Variants in TYW1B observed in about 807,000 individuals in gnomAD.
The protein encoded by TYW1B is S-adenosyl-L-methionine-dependent tRNA 4-demethylwyosine synthase TYW1B.
TYW1B carries 73 observed loss-of-function variants against 86.9 expected under a neutral mutation model. The ratio of observed to expected loss-of-function variants is 0.84; its 90% CI spans 0.70 to 1.02. TYW1B has a LOEUF of 1.02. Ranked by LOEUF, TYW1B falls within the 50% of genes least tolerant of loss-of-function variation. The pLI, the probability that TYW1B is intolerant of heterozygous loss-of-function variation, is 0.00. For synonymous variants in TYW1B, 248 were observed against 292.8 expected (o/e 0.85, Z 1.56); for missense variants, 637 against 827.4 (o/e 0.77, Z 2.82).
intron 12 of TYW1B, among the ~76,000 whole-genome samples, chr7:72,619,060 G>A (rs181421536): frequency 2.6e-5 from 4 of 152,232 alleles, no homozygotes; most frequent in African/African-American, 7.2e-5. Context: ...AGACAACTGC[G>A]CATGTCCGAG....
chr7:72,719,655 A>C (rs1259509092), intron 9 of TYW1B, among the ~76,000 whole-genome samples: 14 of 137,694 alleles, frequency 1.0e-4, no homozygotes, highest in African/African-American at 3.7e-4. Flanking sequence ...AAAAAAAAAG[A>C]AGGTGATAGG....
At chr7:72,751,167 A>G (rs555752149) in intron 7 of TYW1B, among the ~76,000 whole-genome samples, 96 of 152,020 alleles carry the variant, frequency 6.3e-4, no homozygotes, top group African/African-American at 2.1e-3. Flanking sequence ...CCTCCCAAGT[A>G]GCTGGGATCA....
At chr7:72,715,110 A>G (rs1403910707) in intron 9 of TYW1B, among the ~76,000 whole-genome samples, 2 of 152,026 alleles carry the variant, frequency 1.3e-5, no homozygotes, top group African/African-American at 4.8e-5. Context: ...TGGAATCTTA[A>G]AATTCCCACA....
intron 8 of TYW1B, among the ~76,000 whole-genome samples, chr7:72,730,640 AAGAAGAAGGG>A (rs1787086172): frequency 6.6e-6 from 1 of 151,154 alleles, no homozygotes; most frequent in African/African-American, 2.4e-5. Flanking sequence ...AGAAGAAAAG[AAGAAGAAGGG>A]AGAAGGGAGA....
chr7:72,739,248 G>A (rs1304258881), intron 8 of TYW1B, among the ~76,000 whole-genome samples: 4 of 152,186 alleles, frequency 2.6e-5, no homozygotes, highest in South Asian at 4.1e-4. Context: ...GTTCACCGAG[G>A]TTTAATATAC....
chr7:72,727,831 A>AAAAAAAAG (rs1554237443), intron 9 of TYW1B, among the ~76,000 whole-genome samples: 2 of 104,232 alleles, frequency 1.9e-5, no homozygotes, highest in Non-Finnish European at 4.0e-5. Context: ...AAAAAAAAAA[A>AAAAAAAAG]AAGAAGAAAG....
chr7:72,585,505 A>G (rs73372803), intron 13 of TYW1B, among the ~76,000 whole-genome samples: 57 of 152,284 alleles, frequency 3.7e-4, no homozygotes, highest in East Asian at 1.3e-3. Flanking sequence ...TGCTTGATAC[A>G]GTTTGGCTGT....
At chr7:72,799,352 G>A (rs1301726314) in intron 6 of TYW1B, among the ~76,000 whole-genome samples, 5 of 150,636 alleles carry the variant, frequency 3.3e-5, no homozygotes, top group Admixed American at 6.6e-5. Flanking sequence ...TAGTAGAGAT[G>A]GGGTTTCACC....
At position 72,688,027 on chromosome 7, in the gene TYW1B, AAAT is replaced by A. The variant is rs552722132; in HGVS notation, c.1506+6657_1506+6659del. Among the ~76,000 whole-genome samples, 118 of 152,286 alleles carry A rather than the reference AAAT, an allele frequency of 7.7e-4. 1 individual carries two copies. The highest frequency in any genetic ancestry group is 2.6e-3 in the African/African-American group (107 of 41,566). ...CAAAATGAAATCACCATCTCCACAAAAATAATAATAATTAATAACATATATATA... is the reference window on the plus strand; with the variant it reads ...CAAAATGAAATCACCATCTCCACAAAAATAATAATTAATAACATATATATA... On this transcript the variant is annotated intron_variant, in intron 11 of 13. Coordinates refer to ENST00000620995, the MANE Select transcript of TYW1B (RefSeq NM_001145440.3).
At chr7:72,590,831 T>A (rs1428151448) in intron 13 of TYW1B, among the ~76,000 whole-genome samples, 1 of 152,022 alleles carries the variant, frequency 6.6e-6, no homozygotes, top group Non-Finnish European at 1.5e-5. Context: ...AAAAGAAAAC[T>A]ACAAATCCAA....
chr7:72,645,543 C>A (rs1275472534), intron 11 of TYW1B, among the ~76,000 whole-genome samples: 3 of 152,076 alleles, frequency 2.0e-5, no homozygotes, highest in South Asian at 2.1e-4. Context: ...ATGTGAATAT[C>A]CCTCAATAGT....
chr7:72,655,611 C>A (rs1813182642), intron 11 of TYW1B, among the ~76,000 whole-genome samples: 1 of 152,156 alleles, frequency 6.6e-6, no homozygotes, highest in Non-Finnish European at 1.5e-5. Flanking sequence ...CCTTGGGAAA[C>A]AGATGGCCAA....
At chr7:72,764,335 T>C (rs1398272221) in intron 7 of TYW1B, among the ~76,000 whole-genome samples, 1 of 152,152 alleles carries the variant, frequency 6.6e-6, no homozygotes, top group Non-Finnish European at 1.5e-5. Context: ...CAGACTGGAG[T>C]GCAGTGGGGC....
chr7:72,737,408 TG>T (rs1554461165), intron 8 of TYW1B, among the ~76,000 whole-genome samples: 1 of 152,184 alleles, frequency 6.6e-6, no homozygotes, highest in Non-Finnish European at 1.5e-5. Flanking sequence ...TCCAAAACTC[TG>T]GGTAAATGTA....
chr7:72,779,336 C>T (rs532647388), intron 6 of TYW1B, among the ~76,000 whole-genome samples: 11 of 152,400 alleles, frequency 7.2e-5, no homozygotes, highest in African/African-American at 2.6e-4. Flanking sequence ...GTTGATGAGG[C>T]CAGGCAATAG....
At chr7:72,798,010 T>TACACAC (rs781878514) in intron 6 of TYW1B, among the ~76,000 whole-genome samples, 2 of 62,756 alleles carry the variant, frequency 3.2e-5, no homozygotes, top group South Asian at 5.9e-4. Flanking sequence ...TTTATATATA[T>TACACAC]ACACACACAC....
chr7:72,579,051 AT>A (rs534611898), intron 13 of TYW1B, among the ~76,000 whole-genome samples: 2,359 of 146,624 alleles, frequency 0.016, 27 homozygotes, highest in African/African-American at 0.028. Flanking sequence ...AATGGACTTA[AT>A]TTTTTTTTTT....
chr7:72,764,231 A>C (rs1787734882), intron 7 of TYW1B, among the ~76,000 whole-genome samples: 1 of 152,176 alleles, frequency 6.6e-6, no homozygotes. Flanking sequence ...TATTCTCTGA[A>C]AACAACTGCA....
chr7:72,644,467 G>C (rs552358016), intron 11 of TYW1B, among the ~76,000 whole-genome samples: 28 of 152,256 alleles, frequency 1.8e-4, no homozygotes, highest in African/African-American at 6.5e-4. Context: ...AGAATCGCTT[G>C]AACTCAGGAG....
Sources: gnomAD v4.1 joint callset for allele counts (sites outside exome capture counted in the v4.1 genomes callset) on GRCh38, gnomAD v4.1.1 for gene constraint, MANE v1.5 for transcripts, NCBI Gene and HGNC (gene_info 2026-07-23, HGNC 2026-07-21) for gene names.